The following HTR2C variants were observed in gnomAD, a reference collection of about 807,000 sequenced individuals.
HTR2C encodes 5-hydroxytryptamine (serotonin) receptor 2C, G protein-coupled.
HTR2C carries 5 observed loss-of-function variants against 21.0 expected under a neutral mutation model. The observed-to-expected ratio is 0.24, with a 90% confidence interval of 0.12 to 0.50. The LOEUF is 0.50. Ranked by LOEUF, HTR2C falls within the 20% of genes least tolerant of loss-of-function variation. The probability of loss-of-function intolerance (pLI) is 0.98; values close to 1 mark genes in which losing one functional copy is unlikely to be tolerated. For missense variants in HTR2C, 271 were observed against 371.2 expected, an observed-to-expected ratio of 0.73 and a Z score of 2.22; for synonymous variants, 150 against 145.3, an observed-to-expected ratio of 1.03 and a Z score of -0.23.
Position 114,907,908 on chromosome X carries a change from A to C in HTR2C, c.*493A>C. The C allele has an allele frequency of 8.7e-6, 1 of 114,394 alleles. No homozygotes were observed. The highest frequency in any genetic ancestry group is 1.8e-5 in the Non-Finnish European group (1 of 54,532). The allele number at this position is 114,394 out of a possible 1,213,427, so 9.4% of individuals were successfully genotyped here. On this transcript the variant is annotated 3_prime_UTR_variant, in exon 6 of 6. Transcript: ENST00000276198. ...CTCATCTACACATATAAACACAGTA[A>C]GATAGGTTCTGCTTTCTGATACATC...
intron 4 of HTR2C, among the ~76,000 whole-genome samples, chrX:114,778,175 G>A (rs2070078055): frequency 9.0e-6 from 1 of 111,068 alleles, no homozygotes; most frequent in Non-Finnish European, 1.9e-5. Context: ...GGTATTTTCC[G>A]AGGTGTTGTA....
At chrX:114,681,115 C>T (rs1556413456) in intron 2 of HTR2C, among the ~76,000 whole-genome samples, 1 of 111,372 alleles carries the variant, frequency 9.0e-6, no homozygotes, top group African/African-American at 3.3e-5. Flanking sequence ...CAGCCTTATG[C>T]TTCATCCGGA....
intron 4 of HTR2C, among the ~76,000 whole-genome samples, chrX:114,798,996 G>T (rs1162132907): frequency 9.1e-6 from 1 of 109,759 alleles, no homozygotes; most frequent in East Asian, 2.9e-4. Flanking sequence ...CCCCAGGTAC[G>T]AGTGACACAG....
intron 4 of HTR2C, among the ~76,000 whole-genome samples, chrX:114,786,604 C>G (rs1311293250): frequency 9.0e-6 from 1 of 111,470 alleles, no homozygotes; most frequent in Admixed American, 9.6e-5. Flanking sequence ...AAACCTTTAG[C>G]TATTATATTA....
At chrX:114,604,312 G>A (rs1287280695) in intron 1 of HTR2C, among the ~76,000 whole-genome samples, 3 of 110,366 alleles carry the variant, frequency 2.7e-5, no homozygotes, top group Admixed American at 9.7e-5. Context: ...CTAAAAAGGA[G>A]TGTTTAAAAG....
intron 5 of HTR2C, among the ~76,000 whole-genome samples, chrX:114,893,417 A>C (rs1197541646): frequency 9.0e-6 from 1 of 111,575 alleles, no homozygotes; most frequent in Non-Finnish European, 1.9e-5. Context: ...ATAAACTATC[A>C]GTTTTCCAAA....
At chrX:114,770,539 C>T (rs960933841) in intron 4 of HTR2C, among the ~76,000 whole-genome samples, 1 of 111,285 alleles carries the variant, frequency 9.0e-6, no homozygotes. Flanking sequence ...TTTTCAACTT[C>T]GGAATTTTTG....
At position 114,651,286 on chromosome X, in the gene HTR2C, A is replaced by G. The variant is rs185153134; in HGVS notation, c.-80+37405A>G. Among the ~76,000 whole-genome samples the G allele has an allele frequency of 6.4e-4, 71 of 111,717 alleles. 1 individual carries two copies. Among genetic ancestry groups the G allele is most frequent in the African/African-American group, 2.2e-3 (68 of 30,872 alleles). On this transcript the variant is annotated intron_variant, in intron 2 of 5. Coordinates refer to ENST00000276198, the MANE Select transcript of HTR2C (RefSeq NM_000868.4). ...ATATTAGGGATTATAAATTCTGATA[A>G]GTTATCCCAGTTGTTCCCAGATAAA...
At chrX:114,702,502 G>A (rs1932566864) in intron 2 of HTR2C, among the ~76,000 whole-genome samples, 1 of 110,592 alleles carries the variant, frequency 9.0e-6, no homozygotes, top group South Asian at 3.9e-4. Context: ...TTACAGACAA[G>A]CAAATGCTGA....
At chrX:114,806,540 C>T (rs2070444489) in intron 4 of HTR2C, among the ~76,000 whole-genome samples, 1 of 78,986 alleles carries the variant, frequency 1.3e-5, no homozygotes, top group African/African-American at 4.7e-5. Context: ...CATATATATA[C>T]CGTATATATA....
intron 2 of HTR2C, among the ~76,000 whole-genome samples, chrX:114,702,627 C>A (rs1483867511): frequency 4.5e-5 from 5 of 111,273 alleles, no homozygotes; most frequent in African/African-American, 1.6e-4. Context: ...TAAAGACCAT[C>A]GAGGCTAGGA....
intron 2 of HTR2C, among the ~76,000 whole-genome samples, chrX:114,726,400 C>T (rs1164320308): frequency 8.9e-6 from 1 of 112,215 alleles, no homozygotes; most frequent in Non-Finnish European, 1.9e-5. Context: ...CACCCACTGA[C>T]CTGCGCCCAC....
At chrX:114,666,733 C>T (rs1232333799) in intron 2 of HTR2C, among the ~76,000 whole-genome samples, 2 of 110,282 alleles carry the variant, frequency 1.8e-5, no homozygotes, top group African/African-American at 6.6e-5. Flanking sequence ...AGGTATAATC[C>T]ATTGTATAGT....
At chrX:114,709,401 T>A (rs2147319792) in intron 2 of HTR2C, among the ~76,000 whole-genome samples, 1 of 112,226 alleles carries the variant, frequency 8.9e-6, no homozygotes, top group South Asian at 3.7e-4. Context: ...CTTGTTTGAA[T>A]AAAAAATTGG....
intron 4 of HTR2C, among the ~76,000 whole-genome samples, chrX:114,763,749 G>C (rs2069906769): frequency 9.1e-6 from 1 of 109,742 alleles, no homozygotes; most frequent in Non-Finnish European, 1.9e-5. Context: ...ATAGATGAAG[G>C]CCTCCTTCCT....
At chrX:114,758,675 A>C (rs376997247) in intron 4 of HTR2C, among the ~76,000 whole-genome samples, 10 of 112,173 alleles carry the variant, frequency 8.9e-5, no homozygotes, top group African/African-American at 2.6e-4. Flanking sequence ...AAAACAGAAG[A>C]AGCACAAATA....
intron 2 of HTR2C, among the ~76,000 whole-genome samples, chrX:114,655,287 CT>C (rs1374186143): frequency 1.8e-5 from 2 of 111,110 alleles, no homozygotes; most frequent in Non-Finnish European, 3.8e-5. Context: ...AACTGAGAAA[CT>C]GGGATCAGAC....
chrX:114,611,846 C>T (rs1928750848), intron 1 of HTR2C, among the ~76,000 whole-genome samples: 1 of 110,896 alleles, frequency 9.0e-6, no homozygotes, highest in Admixed American at 9.6e-5. Flanking sequence ...TATAGGCGCC[C>T]GCCACCACGC....
intron 4 of HTR2C, among the ~76,000 whole-genome samples, chrX:114,766,601 A>G (rs782719888): frequency 9.0e-6 from 1 of 111,731 alleles, no homozygotes; most frequent in Non-Finnish European, 1.9e-5. Context: ...TGTCTTTCAT[A>G]TGCTGAATAG....
Sources: allele counts gnomAD v4.1 joint callset (sites outside exome capture counted in the v4.1 genomes callset), GRCh38; gene constraint gnomAD v4.1.1; transcripts MANE v1.5; gene names NCBI Gene and HGNC (gene_info 2026-07-23, HGNC 2026-07-21).